PDE11A: variants seen among roughly 807,000 people sequenced by gnomAD.
The protein encoded by PDE11A is dual 3',5'-cyclic-AMP and -GMP phosphodiesterase 11A.
A neutral mutation model predicts 100.5 loss-of-function variants in PDE11A; 100 were observed. The observed-to-expected ratio is 1.00, with a 90% CI of 0.85 to 1.18. PDE11A has a LOEUF of 1.18. PDE11A is among the 50% of genes most tolerant of loss of function. The probability of loss-of-function intolerance (pLI) is 0.00; values close to 1 mark genes in which losing one functional copy is unlikely to be tolerated. For missense variants in PDE11A, 1,141 were observed against 1,152.6 expected, an observed-to-expected ratio of 0.99 and a Z score of 0.15; for synonymous variants, 381 against 420.8, an observed-to-expected ratio of 0.91 and a Z score of 1.16.
chr2:177,714,517 C>T (rs1477084745), intron 12 of PDE11A, among the ~76,000 whole-genome samples: 2 of 152,164 alleles, frequency 1.3e-5, no homozygotes, highest in Non-Finnish European at 2.9e-5. Flanking sequence ...CAGGGTCTCC[C>T]AGCTAGTGCA....
rs55861102 is a variant in PDE11A at position 177,795,935 on chromosome 2, CTATATATATATATATATATATATATATA to C, written c.1737+20866_1737+20893del. Among the ~76,000 whole-genome samples the C allele has an allele frequency of 8.3e-3, 560 of 67,274 alleles. 19 individuals carry two copies. Among genetic ancestry groups the C allele is most frequent in the African/African-American group, 0.021 (534 of 26,002 alleles). The allele number at this position is 67,274 out of a possible 152,430, so 44.1% of individuals were successfully genotyped here. The stretch of plus-strand genomic sequence containing the variant: ...AATTATTACTATTATTTTGTTTAAA[CTATATATATATATATATATATATATATA>C]TATATATATATATCTTTGCTTTAAG... On this transcript the variant is annotated intron_variant, in intron 9 of 19. Coordinates refer to ENST00000286063, the MANE Select transcript of PDE11A (RefSeq NM_016953.4).
rs772345906 is a variant in PDE11A, at chr2:177,701,102, C to G, written c.2244+19G>C. On this transcript the variant is annotated intron_variant, in intron 14 of 19. Coordinates refer to ENST00000286063, the MANE Select transcript of PDE11A (RefSeq NM_016953.4). ...TTTTGGTTTCTGTTAAGGGGAGAAG[C>G]AGAACATCAGGCCTGTACCTCACTT... The G allele has an allele frequency of 5.8e-6, 8 of 1,371,162 alleles. No homozygotes were observed. In the South Asian group the frequency reaches 8.1e-5, roughly 14 times the overall value. The allele number at this position is 1,371,162 out of a possible 1,614,324, so 84.9% of individuals were successfully genotyped here. A position where few individuals can be genotyped will look rare whatever the true frequency, so the allele number is the denominator to read the frequency against.
At chr2:177,669,036 G>A (rs936464395) in intron 18 of PDE11A, among the ~76,000 whole-genome samples, 2 of 152,180 alleles carry the variant, frequency 1.3e-5, no homozygotes, top group African/African-American at 4.8e-5. Flanking sequence ...TTCCCCAGGT[G>A]AAACTTTTTC....
At chr2:178,105,821 G>C (rs923623697) in intron 1 of PDE11A, 1 of 629,498 alleles carries the variant, frequency 1.6e-6, no homozygotes, top group African/African-American at 1.9e-5. Context: ...CTGGGACCTT[G>C]GCCAGATTTC....
intron 14 of PDE11A, 159 bp downstream of exon 14, chr2:177,700,962 T>A (rs1165239680): frequency 2.9e-6 from 2 of 693,686 alleles, no homozygotes; most frequent in Non-Finnish European, 5.3e-6. Flanking sequence ...CTCAGGCATC[T>A]ATAGGAACAG....
intron 2 of PDE11A, among the ~76,000 whole-genome samples, chr2:177,993,379 AAAAATGTTTAGCTCT>A (rs2086028087): frequency 6.6e-6 from 1 of 152,166 alleles, no homozygotes; most frequent in Non-Finnish European, 1.5e-5. Flanking sequence ...TTTTTAAAAA[AAAAATGTTTAGCTCT>A]AAAATGAGAG....
intron 1 of PDE11A, among the ~76,000 whole-genome samples, chr2:178,017,423 T>C (rs1223440525): frequency 2.0e-5 from 3 of 152,204 alleles, no homozygotes; most frequent in Non-Finnish European, 4.4e-5. Flanking sequence ...GTCAAAAACA[T>C]AATGTTAAGT....
At chr2:177,736,612 C>CT (rs745744077) in intron 10 of PDE11A, among the ~76,000 whole-genome samples, 6 of 152,120 alleles carry the variant, frequency 3.9e-5, no homozygotes, top group Admixed American at 6.6e-5. Flanking sequence ...GAGACAGCCC[C>CT]TGGGAGCATG....
intron 2 of PDE11A, among the ~76,000 whole-genome samples, chr2:177,987,373 A>G (rs187168916): frequency 1.1e-4 from 17 of 152,336 alleles, no homozygotes; most frequent in African/African-American, 4.1e-4. Flanking sequence ...ATTACCATAG[A>G]ACAACTATTA....
intron 2 of PDE11A, among the ~76,000 whole-genome samples, chr2:177,936,862 C>T (rs1253235075): frequency 4.6e-5 from 7 of 151,674 alleles, no homozygotes; most frequent in Non-Finnish European, 7.4e-5. Context: ...TGGGAGGTTG[C>T]AGTGAGTTGA....
intron 6 of PDE11A, 39 bp downstream of exon 6, chr2:177,840,212 A>T: frequency 6.2e-7 from 1 of 1,609,514 alleles, no homozygotes; most frequent in Non-Finnish European, 8.5e-7. Context: ...CAGTGCGACA[A>T]CTGAAACTTA....
At chr2:177,719,585 C>T (rs1446722599) in intron 12 of PDE11A, among the ~76,000 whole-genome samples, 1 of 152,126 alleles carries the variant, frequency 6.6e-6, no homozygotes, top group Non-Finnish European at 1.5e-5. Context: ...GGAGGTGCCT[C>T]CTCTAGAAGA....
rs966025429 is a variant in PDE11A, at chr2:177,998,745, C to T, written c.1071+15557G>A. On this transcript the variant is annotated intron_variant, in intron 2 of 19. Transcript: ENST00000286063. ...GGTATCGGCCATGATGCCATAGTTG[C>T]CGTAAAGCTCCTCTACCATCGGCAT... The T allele has an allele frequency of 1.2e-5, 10 of 848,492 alleles. No individual in the cohort carries two copies. In the African/African-American group the frequency reaches 1.5e-4, roughly 13 times the overall value. 52.6% of individuals were successfully genotyped at this position (848,492 alleles called of 1,614,324 possible). A position where few individuals can be genotyped will look rare whatever the true frequency, so the allele number is the denominator to read the frequency against.
At chr2:177,861,053 C>T (rs1294545372) in intron 5 of PDE11A, among the ~76,000 whole-genome samples, 1 of 151,674 alleles carries the variant, frequency 6.6e-6, no homozygotes, top group Non-Finnish European at 1.5e-5. Flanking sequence ...GCTATTTAAC[C>T]ACTTCTATTT....
intron 2 of PDE11A, among the ~76,000 whole-genome samples, chr2:178,005,284 T>C (rs897498176): frequency 6.6e-6 from 1 of 152,078 alleles, no homozygotes; most frequent in Non-Finnish European, 1.5e-5. Flanking sequence ...CTTTTGATAT[T>C]ACCTAGACTA....
At chr2:177,876,014 T>C in intron 4 of PDE11A, 91 bp from the exon 5 acceptor site, 1 of 806,884 alleles carries the variant, frequency 1.2e-6, no homozygotes, top group South Asian at 1.4e-5. Context: ...TTATAATGAT[T>C]ATAATACTTG....
chr2:178,050,628 C>T (rs2086812190), intron 1 of PDE11A, among the ~76,000 whole-genome samples: 1 of 152,088 alleles, frequency 6.6e-6, no homozygotes, highest in African/African-American at 2.4e-5. Context: ...GGAAGAATGG[C>T]TAAATAGAAT....
rs567769826 is a variant in PDE11A, at chr2:177,873,421, G to A, written c.1367+2438C>T. On this transcript the variant is annotated intron_variant, in intron 5 of 19. Coordinates refer to ENST00000286063, the MANE Select transcript of PDE11A (RefSeq NM_016953.4). ...AGTAACTTTCTATGCTAAATATCTT[G>A]GTTAGGTATAGATTAGCTGGCATTA... is the stretch of plus-strand genomic sequence containing the variant. Among the ~76,000 whole-genome samples, 31 of 152,164 alleles carry A rather than the reference G, an allele frequency of 2.0e-4. No homozygotes were observed. The South Asian group carries it at 4.4e-3, about 21-fold the overall frequency.
chr2:178,073,151 G>A (rs770058540), upstream of PDE11A: 140 of 799,622 alleles, frequency 1.8e-4, no homozygotes, highest in Middle Eastern at 1.3e-3. Flanking sequence ...TCTGAACACA[G>A]AAGCGGACTC....
Sources: allele counts gnomAD v4.1 joint callset (sites outside exome capture counted in the v4.1 genomes callset), GRCh38; gene constraint gnomAD v4.1.1; transcripts MANE v1.5; gene names NCBI Gene and HGNC (gene_info 2026-07-23, HGNC 2026-07-21).